Variants in PSME4 observed in about 807,000 individuals in gnomAD.
PSME4 encodes the protein proteasome activator complex subunit 4.
Under a neutral mutation model 253.9 loss-of-function variants are expected in PSME4, and 89 were observed. The observed-to-expected ratio is 0.35, with a 90% CI of 0.30 to 0.42. The LOEUF is 0.42. Ranked by LOEUF, PSME4 falls within the 10% of genes least tolerant of loss-of-function variation. PSME4 has a pLI of 1.00. For missense variants in PSME4, 2,014 were observed against 2,195.2 expected (o/e 0.92, Z 1.65); for synonymous variants, 851 against 759.2 (o/e 1.12, Z -1.99).
chr2:53,919,816 G>GA (rs35216670), intron 19 of PSME4, among the ~76,000 whole-genome samples: 11,738 of 150,712 alleles, frequency 0.078, 646 homozygotes, highest in East Asian at 0.27. Flanking sequence ...GTGGGAGAGG[G>GA]AAAAAAAAAT....
intron 20 of PSME4, among the ~76,000 whole-genome samples, chr2:53,917,429 GCA>G (rs1668111010): frequency 1.3e-5 from 2 of 152,018 alleles, no homozygotes; most frequent in Admixed American, 6.6e-5. Flanking sequence ...TTGTCATGAT[GCA>G]CATTTATTTC....
At chr2:53,929,644 C>G (rs576436284) in intron 10 of PSME4, among the ~76,000 whole-genome samples, 2 of 151,498 alleles carry the variant, frequency 1.3e-5, no homozygotes, top group African/African-American at 4.8e-5. Flanking sequence ...TTAACAGAAG[C>G]TTTCTTGGAG....
intron 31 of PSME4, 24 bp downstream of exon 31, chr2:53,897,846 C>A: frequency 6.2e-7 from 1 of 1,609,186 alleles, no homozygotes; most frequent in Admixed American, 1.7e-5. Flanking sequence ...AAACCCAAGA[C>A]TGTAGCTAAA....
chr2:53,879,117 G>C (rs1297302030), intron 41 of PSME4, among the ~76,000 whole-genome samples: 2 of 152,110 alleles, frequency 1.3e-5, no homozygotes, highest in East Asian at 1.9e-4. Flanking sequence ...AAATAGAAAA[G>C]AACCTATGTG....
At position 53,896,847 on chromosome 2, in the gene PSME4, T is replaced by C; in HGVS notation, c.3645A>G (p.Leu1215=). Reference sequence around the variant, plus strand: ...TGGTCAGCTTTTTGTGGGTTCTTTTTAGCTGTTTAAGGATACCAGCAACAG... The same window carrying C: ...TGGTCAGCTTTTTGTGGGTTCTTTTCAGCTGTTTAAGGATACCAGCAACAG... ...ISAVAGILKQ[L]KRTHKKLTIN... Residue 1215 remains leucine (L), a synonymous_variant, in exon 32 of 47, where the codon CTA becomes CTG. Transcript: ENST00000404125. 2 of 1,612,640 alleles carry C rather than the reference T, an allele frequency of 1.2e-6. No individual in the cohort carries two copies. The highest frequency in any genetic ancestry group is 1.7e-6 in the Non-Finnish European group (2 of 1,178,672).
chr2:53,941,714 A>T (rs1025049038), intron 3 of PSME4, among the ~76,000 whole-genome samples: 1 of 152,124 alleles, frequency 6.6e-6, no homozygotes, highest in Non-Finnish European at 1.5e-5. Context: ...AATTTAAATG[A>T]AGATTTTTAA....
intron 44 of PSME4, 97 bp downstream of exon 44, chr2:53,869,279 G>A (rs1678751946): frequency 8.2e-7 from 1 of 1,226,326 alleles, no homozygotes; most frequent in Non-Finnish European, 1.1e-6. Flanking sequence ...CATAGACCTG[G>A]GCACATACAT....
chr2:53,933,754 C>T (rs1467512047), intron 8 of PSME4, among the ~76,000 whole-genome samples: 1 of 152,184 alleles, frequency 6.6e-6, no homozygotes, highest in Non-Finnish European at 1.5e-5. Flanking sequence ...AATTCACTCA[C>T]ACAATAACTA....
intron 40 of PSME4, among the ~76,000 whole-genome samples, chr2:53,886,006 G>A (rs1679618703): frequency 6.6e-6 from 1 of 152,152 alleles, no homozygotes; most frequent in Non-Finnish European, 1.5e-5. Context: ...CCAGAGAGTA[G>A]AAAGACAACC....
chr2:53,969,855 T>C (rs986426474), intron 1 of PSME4, among the ~76,000 whole-genome samples: 43 of 152,244 alleles, frequency 2.8e-4, no homozygotes, highest in African/African-American at 9.6e-4. Flanking sequence ...TCTTCCCTAC[T>C]TTCCTCAGTA....
intron 4 of PSME4, 53 bp downstream of exon 4, chr2:53,939,903 T>C: frequency 2.7e-6 from 4 of 1,458,154 alleles, no homozygotes; most frequent in Non-Finnish European, 3.8e-6. Flanking sequence ...ACTAAAGATG[T>C]GGAAAAGCCC....
rs1336357032 is a variant in PSME4, at chr2:53,901,367, T to C, written c.3268A>G (p.Ile1090Val). 3.1e-6 allele frequency: 5 copies of C among 1,613,332 alleles called. No individual in the cohort carries two copies. The highest frequency in any genetic ancestry group is 1.1e-5 in the South Asian group (1 of 91,060). ...TTGCTTACTGTGAAGTCCAAGCCAATTGTTTCATACTGCCTATGAATCTTT... is the reference window on the plus strand; with the variant it reads ...TTGCTTACTGTGAAGTCCAAGCCAACTGTTTCATACTGCCTATGAATCTTT... Reference protein sequence around the residue: ...AEKIHRQYETIGLDFTIPKSC... With the variant: ...AEKIHRQYETVGLDFTIPKSC... Residue 1090 changes from isoleucine (I) to valine (V), a missense_variant, in exon 28 of 47, where the codon ATT becomes GTT. Physicochemically the swap from Ile to Val is conservative, Grantham distance 29 (BLOSUM62 3). This residue lies in a region of PSME4 where 989 missense variants were observed against 1,021.1 expected (regional missense o/e 0.97). Coordinates refer to ENST00000404125, the MANE Select transcript of PSME4 (RefSeq NM_014614.3).
Position 53,931,872 on chromosome 2 carries a change from T to A in PSME4, c.1279A>T (p.Met427Leu). 1.9e-6 allele frequency: 3 copies of A among 1,614,246 alleles called. No homozygotes were observed. Among genetic ancestry groups the A allele is most frequent in the Admixed American group, 1.7e-5 (1 of 60,032 alleles). The change falls in exon 10 of 47, where the codon ATG (methionine) becomes TTG (leucine). Residue 427 changes from methionine (M) to leucine (L), a missense_variant. Around this residue, in one of 4 missense-constraint regions of PSME4, gnomAD observed 615 missense variants for 594.4 expected, o/e 1.03. Transcript: ENST00000404125. The part of the protein sequence containing the change: ...AAQALQNLAL[M>L]RPELVIPPVL... ...GGGGGTATTACCAATTCAGGTCTCATGAGTGCAAGATTCTGCAAAGCCTGG... is the reference window on the plus strand; with the variant it reads ...GGGGGTATTACCAATTCAGGTCTCAAGAGTGCAAGATTCTGCAAAGCCTGG...
At chr2:53,893,073 C>A in intron 35 of PSME4, 113 bp from the exon 36 acceptor site, 1 of 795,986 alleles carries the variant, frequency 1.3e-6, no homozygotes, top group Non-Finnish European at 1.9e-6. Flanking sequence ...AAGCACACTC[C>A]CCTTTAGAAC....
chr2:53,946,724 T>C (rs1420241186), intron 3 of PSME4, among the ~76,000 whole-genome samples: 1 of 152,080 alleles, frequency 6.6e-6, no homozygotes, highest in Non-Finnish European at 1.5e-5. Context: ...AGTGAGACCC[T>C]GTGTAGAGAC....
At chr2:53,903,247 T>G (rs1680493836) in intron 27 of PSME4, among the ~76,000 whole-genome samples, 1 of 152,168 alleles carries the variant, frequency 6.6e-6, no homozygotes, top group Admixed American at 6.5e-5. Flanking sequence ...CACTTCAAAT[T>G]AAACTAGTCC....
chr2:53,887,376 G>A lies in PSME4; in HGVS notation c.4612C>T (p.Leu1538=). 1 of 1,613,782 alleles carries A rather than the reference G, an allele frequency of 6.2e-7. No individual in the cohort carries two copies. Residue 1538 remains leucine (L), a synonymous_variant, in exon 40 of 47, where the codon CTG becomes TTG. Transcript: ENST00000404125. ...PHVPEFTARI[L]EKLKPLMDVD... ...TCCATGAGAGGTTTCAATTTCTCCAGAATTCGAGCAGTAAACTCAGGGACA... is the reference window on the plus strand; with the variant it reads ...TCCATGAGAGGTTTCAATTTCTCCAAAATTCGAGCAGTAAACTCAGGGACA...
chr2:53,931,257 C>A (rs1668817602), intron 10 of PSME4, among the ~76,000 whole-genome samples: 1 of 151,532 alleles, frequency 6.6e-6, no homozygotes, highest in Non-Finnish European at 1.5e-5. Context: ...GGGACTACAG[C>A]AAAATTTCAT....
chr2:53,966,438 G>C (rs1477425141), intron 1 of PSME4, among the ~76,000 whole-genome samples: 2 of 152,108 alleles, frequency 1.3e-5, no homozygotes, highest in Non-Finnish European at 2.9e-5. Context: ...GGGGTGGCCA[G>C]ATCATTTGAG....
Sources: gnomAD v4.1 joint callset for allele counts (sites outside exome capture counted in the v4.1 genomes callset) on GRCh38, gnomAD v4.1.1 for gene constraint, gnomAD v4.1.1 regional missense constraint, MANE v1.5 for transcripts, NCBI Gene and HGNC (gene_info 2026-07-23, HGNC 2026-07-21) for gene names.